PTPRN2: variants seen among roughly 807,000 people sequenced by gnomAD.
The protein encoded by PTPRN2 is receptor-type tyrosine-protein phosphatase N2.
A neutral mutation model predicts 118.8 loss-of-function variants in PTPRN2; 74 were observed. That is an observed-to-expected ratio of 0.62 (90% CI 0.52 to 0.76). The LOEUF is 0.76. PTPRN2 is among the 30% of genes least tolerant of loss of function. PTPRN2 has a pLI of 0.00. For synonymous variants in PTPRN2, 641 were observed against 608.0 expected, an observed-to-expected ratio of 1.05 and a Z score of -0.80; for missense variants, 1,481 against 1,394.4, an observed-to-expected ratio of 1.06 and a Z score of -0.99.
At chr7:157,906,447 T>A (rs1797773440) in intron 11 of PTPRN2, among the ~76,000 whole-genome samples, 1 of 152,220 alleles carries the variant, frequency 6.6e-6, no homozygotes, top group South Asian at 2.1e-4. Flanking sequence ...TTTCCCCATG[T>A]CGTTTTCTGA....
In PTPRN2 at chr7:158,216,978, C is replaced by T. The variant is rs1402136864; in HGVS notation, c.278-11705G>A. Among the ~76,000 whole-genome samples, 3 of 152,182 alleles carry T rather than the reference C, an allele frequency of 2.0e-5. No homozygotes were observed. The South Asian group carries it at 6.3e-4, about 32-fold the overall frequency. ...TATAACAACATGTTATAAAATAATC[C>T]ATGGGTCAAAGAGAAGATAATACAT... On this transcript the variant is annotated intron_variant, in intron 3 of 22. Coordinates refer to ENST00000389418, the MANE Select transcript of PTPRN2 (RefSeq NM_002847.5).
chr7:157,594,084 G>GA (rs1200688934), intron 17 of PTPRN2, among the ~76,000 whole-genome samples: 7 of 152,216 alleles, frequency 4.6e-5, no homozygotes, highest in Non-Finnish European at 7.3e-5. Context: ...CATAAAATGG[G>GA]ATGATGGCAC....
At chr7:157,775,355 T>C (rs1194752481) in intron 12 of PTPRN2, among the ~76,000 whole-genome samples, 1 of 152,196 alleles carries the variant, frequency 6.6e-6, no homozygotes, top group African/African-American at 2.4e-5. Context: ...CTCACCCTGC[T>C]GGGTCTGGGC....
chr7:158,165,505 C>T (rs981671035), intron 6 of PTPRN2, among the ~76,000 whole-genome samples: 2 of 152,232 alleles, frequency 1.3e-5, no homozygotes, highest in Non-Finnish European at 2.9e-5. Flanking sequence ...TTTCACATTC[C>T]TTCTATTTAA....
At chr7:157,597,651 A>C (rs1801423329) in intron 16 of PTPRN2, among the ~76,000 whole-genome samples, 1 of 152,188 alleles carries the variant, frequency 6.6e-6, no homozygotes, top group Non-Finnish European at 1.5e-5. Context: ...TTTAGGTCTG[A>C]GTTGTTAAGG....
chr7:158,194,122 T>TGTGCGTGTGTGAGTTTGTGTAA (rs1213007221), intron 4 of PTPRN2, among the ~76,000 whole-genome samples: 1 of 149,416 alleles, frequency 6.7e-6, no homozygotes, highest in African/African-American at 2.6e-5. Context: ...CGCGCGCGCA[T>TGTGCGTGTGTGAGTTTGTGTAA]GTGCGTGTGT....
At chr7:158,263,495 C>G (rs1450059861) in intron 3 of PTPRN2, among the ~76,000 whole-genome samples, 1 of 152,268 alleles carries the variant, frequency 6.6e-6, no homozygotes, top group African/African-American at 2.4e-5. Context: ...CTTCCTCACC[C>G]CATGCTGCCT....
chr7:158,050,507 C>T (rs564591035), intron 11 of PTPRN2, among the ~76,000 whole-genome samples: 9 of 152,342 alleles, frequency 5.9e-5, no homozygotes, highest in Non-Finnish European at 1.2e-4. Flanking sequence ...TTTCGGGCAT[C>T]CAGACAGTCC....
chr7:158,541,656 A>C, intron 1 of PTPRN2: 2 of 1,341,354 alleles, frequency 1.5e-6, no homozygotes, highest in Non-Finnish European at 2.0e-6. Flanking sequence ...TAATTCTACC[A>C]AGGTACGAAC....
intron 9 of PTPRN2, among the ~76,000 whole-genome samples, chr7:158,128,086 T>C (rs571958467): frequency 2.0e-5 from 3 of 152,254 alleles, no homozygotes; most frequent in Non-Finnish European, 4.4e-5. Context: ...ACCACATTCC[T>C]CTCCTTTCTG....
chr7:158,114,920 C>T (rs761399623), intron 9 of PTPRN2, among the ~76,000 whole-genome samples: 5 of 152,102 alleles, frequency 3.3e-5, no homozygotes, highest in Admixed American at 2.6e-4. Context: ...AGGGGAGGCA[C>T]GGATGGCTAG....
intron 5 of PTPRN2, among the ~76,000 whole-genome samples, chr7:158,171,324 T>TAC (rs1432300668): frequency 3.5e-4 from 42 of 119,216 alleles, no homozygotes; most frequent in Admixed American, 5.8e-4. Context: ...TATATATATA[T>TAC]ATATATATAT....
chr7:158,117,384 G>C (rs774872020), intron 9 of PTPRN2, among the ~76,000 whole-genome samples: 8 of 152,068 alleles, frequency 5.3e-5, no homozygotes, highest in Admixed American at 2.0e-4. Flanking sequence ...TAGAAAAAAA[G>C]ATTGAAGAAA....
intron 2 of PTPRN2, among the ~76,000 whole-genome samples, chr7:158,392,842 AGGTATG>A (rs1812044775): frequency 6.6e-6 from 1 of 152,156 alleles, no homozygotes; most frequent in Non-Finnish European, 1.5e-5. Context: ...TCGGACCTGC[AGGTATG>A]TCTCACCCCA....
chr7:158,491,420 A>G (rs572451342), intron 1 of PTPRN2, among the ~76,000 whole-genome samples: 1 of 152,308 alleles, frequency 6.6e-6, no homozygotes, highest in African/African-American at 2.4e-5. Flanking sequence ...GGAGCCTCCA[A>G]TCCAAGCAGA....
rs114251824 is a variant in PTPRN2 at position 158,132,716 on chromosome 7, G to A, written c.1556+961C>T. ...ACCCAACACACATTCATATACATAC[G>A]CACAGATACACATTTACCCAACATA... On this transcript the variant is annotated intron_variant, in intron 9 of 22. Coordinates refer to ENST00000389418, the MANE Select transcript of PTPRN2 (RefSeq NM_002847.5). Among the ~76,000 whole-genome samples the A allele has an allele frequency of 5.8e-3, 853 of 147,588 alleles. 8 individuals are homozygous for A. Among genetic ancestry groups the A allele is most frequent in the African/African-American group, 0.02 (806 of 39,676 alleles).
chr7:158,302,232 C>T (rs976781639), intron 3 of PTPRN2, among the ~76,000 whole-genome samples: 7 of 152,194 alleles, frequency 4.6e-5, no homozygotes, highest in African/African-American at 1.7e-4. Context: ...CTGTTGAGGG[C>T]TAGGGGTTAG....
At chr7:158,540,499 C>T (rs980214530) in intron 1 of PTPRN2, among the ~76,000 whole-genome samples, 2 of 152,008 alleles carry the variant, frequency 1.3e-5, no homozygotes, top group African/African-American at 4.8e-5. Flanking sequence ...CAGGCTGGGC[C>T]CCCCACCTGT....
chr7:158,477,260 G>C (rs889516397), intron 2 of PTPRN2, among the ~76,000 whole-genome samples: 1 of 152,132 alleles, frequency 6.6e-6, no homozygotes, highest in Non-Finnish European at 1.5e-5. Flanking sequence ...TGCAAAGATG[G>C]TTAGACCATT....
Sources: allele counts gnomAD v4.1 joint callset (sites outside exome capture counted in the v4.1 genomes callset), GRCh38; gene constraint gnomAD v4.1.1; transcripts MANE v1.5; gene names NCBI Gene and HGNC (gene_info 2026-07-23, HGNC 2026-07-21).